PDE7B: variants seen among roughly 807,000 people sequenced by gnomAD.
PDE7B encodes the protein phosphodiesterase 7B.
Under a neutral mutation model 56.2 loss-of-function variants are expected in PDE7B, and 29 were observed. The observed-to-expected ratio is 0.52, with a 90% confidence interval of 0.38 to 0.70. PDE7B has a LOEUF of 0.70. Ranked by LOEUF, PDE7B falls within the 30% of genes least tolerant of loss-of-function variation. PDE7B has a pLI of 0.00. For synonymous variants in PDE7B, 197 were observed against 196.9 expected (o/e 1.00, Z 0.00); for missense variants, 490 against 565.0 (o/e 0.87, Z 1.35).
At chr6:135,992,086 T>C (rs1053897695) in intron 2 of PDE7B, 1 of 152,298 alleles carries the variant, frequency 6.6e-6, no homozygotes, top group Non-Finnish European at 1.5e-5. Flanking sequence ...TGCCCCTTCA[T>C]TCCTTTCCAC....
At chr6:136,110,880 C>A (rs553579117) in intron 3 of PDE7B, 2 of 152,184 alleles carry the variant, frequency 1.3e-5, no homozygotes, top group African/African-American at 4.8e-5. Context: ...TCCTGTCTTC[C>A]CTTTGCTGGA....
intron 1 of PDE7B, among the ~76,000 whole-genome samples, chr6:135,857,217 T>C (rs1030030986): frequency 1.3e-5 from 2 of 152,174 alleles, no homozygotes; most frequent in Admixed American, 1.3e-4. Context: ...TACTTTTTTT[T>C]CCTAGTGGTT....
chr6:135,914,866 G>A (rs1776273533), intron 1 of PDE7B, among the ~76,000 whole-genome samples: 1 of 150,862 alleles, frequency 6.6e-6, no homozygotes, highest in Non-Finnish European at 1.5e-5. Context: ...AGGCCGAGGT[G>A]GGCAGATCAC....
At chr6:135,996,455 A>G (rs916233271) in intron 2 of PDE7B, among the ~76,000 whole-genome samples, 4 of 152,208 alleles carry the variant, frequency 2.6e-5, no homozygotes, top group African/African-American at 9.6e-5. Context: ...TAGACTCCCT[A>G]CCACTAAGAA....
intron 9 of PDE7B, among the ~76,000 whole-genome samples, chr6:136,175,016 G>A (rs777601376): frequency 1.8e-4 from 28 of 152,166 alleles, no homozygotes; most frequent in Non-Finnish European, 2.5e-4. Context: ...AGGAAGAATA[G>A]TGAGGACAGG....
At chr6:136,014,780 C>T (rs758360053) in intron 2 of PDE7B, among the ~76,000 whole-genome samples, 3 of 152,144 alleles carry the variant, frequency 2.0e-5, no homozygotes, top group Non-Finnish European at 4.4e-5. Flanking sequence ...CTATTCAAAG[C>T]CTCATCTCTT....
chr6:136,112,011 C>T lies in PDE7B; in HGVS notation c.166+3197C>T, dbSNP rs1236585520. ...CCAGCTCTGCATCCCTGCAGCCTTCCTTCCAAAATGTTAGTGAAACCCACA... is the reference window on the plus strand; with the variant it reads ...CCAGCTCTGCATCCCTGCAGCCTTCTTTCCAAAATGTTAGTGAAACCCACA... On this transcript the variant is annotated intron_variant, in intron 3 of 12. Transcript: ENST00000308191. Among the ~76,000 whole-genome samples the T allele has an allele frequency of 4.6e-5, 7 of 152,162 alleles. No homozygotes were observed. In the East Asian group the frequency reaches 1.3e-3, roughly 29 times the overall value.
At chr6:136,185,153 G>A (rs1400670405) in intron 11 of PDE7B, among the ~76,000 whole-genome samples, 2 of 152,164 alleles carry the variant, frequency 1.3e-5, no homozygotes, top group Non-Finnish European at 2.9e-5. Flanking sequence ...TGGCCAGACT[G>A]CCCTGAACCA....
chr6:135,910,026 C>G (rs1241038170), intron 1 of PDE7B, among the ~76,000 whole-genome samples: 1 of 152,178 alleles, frequency 6.6e-6, no homozygotes, highest in Non-Finnish European at 1.5e-5. Flanking sequence ...AAAATCCTGA[C>G]AGGTGTATTG....
chr6:135,951,537 A>G (rs533028465), intron 2 of PDE7B, among the ~76,000 whole-genome samples: 1 of 152,266 alleles, frequency 6.6e-6, no homozygotes, highest in South Asian at 2.1e-4. Flanking sequence ...TCATTTGTGA[A>G]CCTTGCTCTG....
At chr6:136,055,276 A>G (rs1194187149) in intron 2 of PDE7B, among the ~76,000 whole-genome samples, 1 of 152,262 alleles carries the variant, frequency 6.6e-6, no homozygotes, top group Non-Finnish European at 1.5e-5. Context: ...TGAGAAGGGC[A>G]GGGAGATGAT....
chr6:136,091,837 A>G (rs2128216170), intron 2 of PDE7B, among the ~76,000 whole-genome samples: 1 of 152,198 alleles, frequency 6.6e-6, no homozygotes, highest in East Asian at 1.9e-4. Flanking sequence ...AATGTGTGGG[A>G]GCCATGGAAA....
At chr6:136,160,701 C>T (rs908083835) in intron 8 of PDE7B, among the ~76,000 whole-genome samples, 12 of 152,138 alleles carry the variant, frequency 7.9e-5, no homozygotes, top group Admixed American at 2.6e-4. Flanking sequence ...AATGACTTAA[C>T]ACAATTTACC....
intron 1 of PDE7B, among the ~76,000 whole-genome samples, chr6:135,926,488 TGG>T (rs35912372): frequency 1.3e-5 from 2 of 149,820 alleles, no homozygotes; most frequent in East Asian, 4.0e-4. Flanking sequence ...GAACTGCGGG[TGG>T]GGGGGGCTTA....
At chr6:135,937,440 TCTTCATTTC>T (rs1244523753) in intron 1 of PDE7B, among the ~76,000 whole-genome samples, 1 of 152,262 alleles carries the variant, frequency 6.6e-6, no homozygotes, top group Admixed American at 6.5e-5. Flanking sequence ...TTCTAGCCAT[TCTTCATTTC>T]CTTCATTTCC....
At chr6:136,155,536 T>C (rs1318007706) in intron 7 of PDE7B, 91 bp from the exon 8 acceptor site, 13 of 1,061,178 alleles carry the variant, frequency 1.2e-5, no homozygotes, top group Non-Finnish European at 1.8e-5. Context: ...AACAATGCCA[T>C]GATGATTCAT....
intron 4 of PDE7B, among the ~76,000 whole-genome samples, chr6:136,147,929 T>C (rs1408111416): frequency 6.6e-6 from 1 of 152,230 alleles, no homozygotes; most frequent in Non-Finnish European, 1.5e-5. Flanking sequence ...CTTTAGGCTA[T>C]TGATGCACTG....
At chr6:136,141,036 A>C (rs947170605) in intron 3 of PDE7B, among the ~76,000 whole-genome samples, 9 of 152,016 alleles carry the variant, frequency 5.9e-5, no homozygotes, top group Middle Eastern at 3.2e-3. Flanking sequence ...GCATCCCTGT[A>C]TTGTGCCAGT....
chr6:136,161,424 CTTA>C (rs1778702645), intron 8 of PDE7B, among the ~76,000 whole-genome samples: 2 of 152,138 alleles, frequency 1.3e-5, no homozygotes, highest in Non-Finnish European at 2.9e-5. Flanking sequence ...GCTTCTCCTG[CTTA>C]TTATTGCAGT....
Sources: allele counts gnomAD v4.1 joint callset (sites outside exome capture counted in the v4.1 genomes callset), GRCh38; gene constraint gnomAD v4.1.1; transcripts MANE v1.5; gene names NCBI Gene and HGNC (gene_info 2026-07-23, HGNC 2026-07-21).